Variants in MAP2K4 observed in about 807,000 individuals in gnomAD.
MAP2K4 encodes the protein dual specificity mitogen-activated protein kinase kinase 4.
Under a neutral mutation model 48.5 loss-of-function variants are expected in MAP2K4, and 4 were observed. The observed-to-expected ratio is 0.08, with a 90% CI of 0.04 to 0.19. MAP2K4 has a LOEUF of 0.19. Ranked by LOEUF, MAP2K4 falls within the 10% of genes least tolerant of loss-of-function variation. MAP2K4 has a pLI of 1.00. For synonymous variants in MAP2K4, 166 were observed against 173.1 expected (o/e 0.96, Z 0.32); for missense variants, 258 against 493.3 (o/e 0.52, Z 4.52).
intron 1 of MAP2K4, 78 bp downstream of exon 1, chr17:12,021,079 C>G (rs957920608): frequency 2.6e-5 from 23 of 869,946 alleles, no homozygotes; most frequent in Non-Finnish European, 3.3e-5. Flanking sequence ...CCAGCGGACG[C>G]CCCCGGACCC....
At chr17:12,022,763 A>G (rs184939694) in intron 1 of MAP2K4, among the ~76,000 whole-genome samples, 2 of 152,346 alleles carry the variant, frequency 1.3e-5, no homozygotes, top group East Asian at 3.9e-4. Context: ...ATGAAAAATT[A>G]CTAGTTGGAA....
intron 1 of MAP2K4, among the ~76,000 whole-genome samples, chr17:12,043,466 TCTC>T (rs1455816493): frequency 6.6e-6 from 1 of 152,068 alleles, no homozygotes; most frequent in African/African-American, 2.4e-5. Flanking sequence ...GCTTCAAGAT[TCTC>T]CTCACTTAGG....
At chr17:12,050,348 G>A (rs1320972433) in intron 1 of MAP2K4, among the ~76,000 whole-genome samples, 1 of 152,190 alleles carries the variant, frequency 6.6e-6, no homozygotes, top group Non-Finnish European at 1.5e-5. Flanking sequence ...GATAAATCAA[G>A]ATAGTTAAAA....
intron 1 of MAP2K4, among the ~76,000 whole-genome samples, chr17:12,023,876 T>G (rs1274396753): frequency 2.0e-5 from 3 of 152,164 alleles, no homozygotes; most frequent in Non-Finnish European, 4.4e-5. Flanking sequence ...CCCGGTGGCT[T>G]TGAGAATGCA....
chr17:12,091,774 A>T (rs1406559337), intron 3 of MAP2K4, among the ~76,000 whole-genome samples: 4 of 151,970 alleles, frequency 2.6e-5, no homozygotes, highest in Non-Finnish European at 5.9e-5. Context: ...GACACCAATT[A>T]AAAAAAATTA....
chr17:12,045,432 T>C (rs1041756526), intron 1 of MAP2K4, among the ~76,000 whole-genome samples: 4 of 152,344 alleles, frequency 2.6e-5, no homozygotes, highest in South Asian at 4.1e-4. Flanking sequence ...GTATCTGATA[T>C]GTGCTTCTGT....
chr17:12,051,738 A>G (rs1970145396), intron 1 of MAP2K4, among the ~76,000 whole-genome samples: 1 of 152,150 alleles, frequency 6.6e-6, no homozygotes, highest in Non-Finnish European at 1.5e-5. Context: ...AAAAATTCAT[A>G]TTAATGTCCT....
chr17:12,048,311 AATT>A (rs1369538619), intron 1 of MAP2K4, among the ~76,000 whole-genome samples: 4 of 152,156 alleles, frequency 2.6e-5, no homozygotes, highest in Admixed American at 6.5e-5. Flanking sequence ...TTGTTGTGTA[AATT>A]ATTATATTGG....
At chr17:12,090,424 A>G (rs1971524187) in intron 3 of MAP2K4, among the ~76,000 whole-genome samples, 1 of 152,208 alleles carries the variant, frequency 6.6e-6, no homozygotes, top group South Asian at 2.1e-4. Context: ...GTGACTGGCA[A>G]GGACCACTAT....
chr17:12,046,002 C>G (rs1233850013), intron 1 of MAP2K4, among the ~76,000 whole-genome samples: 4 of 152,186 alleles, frequency 2.6e-5, no homozygotes, highest in African/African-American at 9.7e-5. Context: ...TTTCCTCTTC[C>G]TGGCTAGAAC....
At chr17:12,115,351 A>G (rs955877288) in intron 7 of MAP2K4, among the ~76,000 whole-genome samples, 1 of 152,258 alleles carries the variant, frequency 6.6e-6, no homozygotes, top group African/African-American at 2.4e-5. Context: ...ACACAAACCT[A>G]GATGGTATAG....
At chr17:12,074,050 G>C (rs560339764) in intron 2 of MAP2K4, among the ~76,000 whole-genome samples, 2 of 152,262 alleles carry the variant, frequency 1.3e-5, no homozygotes, top group South Asian at 4.1e-4. Context: ...GGGACTACAG[G>C]TGTGAGCCAC....
At chr17:12,084,961 G>A (rs967305172) in intron 3 of MAP2K4, among the ~76,000 whole-genome samples, 7 of 152,090 alleles carry the variant, frequency 4.6e-5, no homozygotes, top group African/African-American at 1.7e-4. Flanking sequence ...TTAGACCATG[G>A]GCTTACAAGC....
intron 3 of MAP2K4, among the ~76,000 whole-genome samples, chr17:12,084,262 T>C (rs1219114888): frequency 6.6e-6 from 1 of 152,210 alleles, no homozygotes. Flanking sequence ...TTGTAAGAGT[T>C]ATACTTAAAA....
chr17:12,028,531 G>A (rs182204819), intron 1 of MAP2K4, among the ~76,000 whole-genome samples: 149 of 152,280 alleles, frequency 9.8e-4, no homozygotes, highest in Non-Finnish European at 1.9e-3. Flanking sequence ...ATATACTATG[G>A]GTAGCTGTGG....
intron 10 of MAP2K4, among the ~76,000 whole-genome samples, chr17:12,140,222 T>C (rs1363488702): frequency 4.6e-5 from 7 of 152,186 alleles, no homozygotes; most frequent in African/African-American, 1.7e-4. Flanking sequence ...AAATTTGTGT[T>C]TATTCTGCCT....
In MAP2K4 at chr17:12,033,254, G is replaced by A. The variant is rs559699253; in HGVS notation, c.115+12253G>A. On this transcript the variant is annotated intron_variant, in intron 1 of 10. Transcript: ENST00000353533. ...AATATACCAAAATATGATATAAGTC[G>A]TTTTGTCTTCTGCTTTTTATTCATG... is the stretch of plus-strand genomic sequence containing the variant. Among the ~76,000 whole-genome samples the A allele has an allele frequency of 1.1e-4, 16 of 152,110 alleles. No individual in the cohort carries two copies. The East Asian group carries it at 2.5e-3, about 24-fold the overall frequency.
chr17:12,047,088 A>ATT (rs942938992), intron 1 of MAP2K4, among the ~76,000 whole-genome samples: 2 of 150,432 alleles, frequency 1.3e-5, no homozygotes, highest in African/African-American at 4.9e-5. Flanking sequence ...TCTGGGTTAA[A>ATT]TTTTTTTTTT....
At chr17:12,101,718 A>G (rs1043823889) in intron 4 of MAP2K4, among the ~76,000 whole-genome samples, 2 of 152,112 alleles carry the variant, frequency 1.3e-5, no homozygotes, top group African/African-American at 2.4e-5. Context: ...AATATTTTAT[A>G]GTTTTCGCTG....
Sources: allele counts gnomAD v4.1 joint callset (sites outside exome capture counted in the v4.1 genomes callset), GRCh38; gene constraint gnomAD v4.1.1; transcripts MANE v1.5; gene names NCBI Gene and HGNC (gene_info 2026-07-23, HGNC 2026-07-21).